CATSPERD: variants seen among roughly 807,000 people sequenced by gnomAD.
CATSPERD encodes catsper channel auxiliary subunit delta.
In CATSPERD, 86 loss-of-function variants were observed where a neutral mutation model predicts 98.1. That is an observed-to-expected ratio of 0.88 (90% CI 0.74 to 1.05). The LOEUF (loss-of-function observed/expected upper bound fraction) is 1.05. Ranked by LOEUF, CATSPERD falls within the 50% of genes least tolerant of loss-of-function variation. CATSPERD has a pLI of 0.00. For synonymous variants in CATSPERD, 394 were observed against 390.2 expected, an observed-to-expected ratio of 1.01 and a Z score of -0.12; for missense variants, 995 against 1,005.7, an observed-to-expected ratio of 0.99 and a Z score of 0.14.
chr19:5,734,044 G>A (rs2055790491), intron 5 of CATSPERD, 74 bp downstream of exon 5: 16 of 853,378 alleles, frequency 1.9e-5, no homozygotes, highest in Admixed American at 2.6e-5. Context: ...AGTGTTGGAA[G>A]TATAAGCGAT....
intron 18 of CATSPERD, among the ~76,000 whole-genome samples, chr19:5,769,133 A>G (rs572060971): frequency 1.3e-4 from 20 of 151,250 alleles, no homozygotes; most frequent in South Asian, 6.3e-4. Flanking sequence ...CAGACTGGGC[A>G]ACAGAGCAAG....
intron 9 of CATSPERD, among the ~76,000 whole-genome samples, chr19:5,746,734 T>C (rs2056102242): frequency 6.6e-6 from 1 of 151,976 alleles, no homozygotes; most frequent in Admixed American, 6.6e-5. Flanking sequence ...CGCCCAGCCA[T>C]TTCTTTAACA....
At chr19:5,741,042 G>A (rs977404130) in intron 7 of CATSPERD, among the ~76,000 whole-genome samples, 2 of 151,756 alleles carry the variant, frequency 1.3e-5, no homozygotes, top group Admixed American at 6.6e-5. Context: ...CTGAGACAAC[G>A]CCATTGCACT....
chr19:5,729,914 C>CAA lies in CATSPERD; in HGVS notation c.246_247insAA (p.Leu83AsnfsTer17), dbSNP rs1481853832. The CAA allele has an allele frequency of 2.5e-6, 4 of 1,598,810 alleles. No homozygotes were observed. In the African/African-American group the frequency reaches 5.4e-5, roughly 21 times the overall value. ...CAATGGATAACTTTGAGACTAGTCT[C>CAA]CTTCCATTTACCATCCCTACATCAA... On this transcript the variant is annotated frameshift_variant, in exon 4 of 22. Coordinates refer to ENST00000381624, the MANE Select transcript of CATSPERD (RefSeq NM_152784.4). LOFTEE classifies it high-confidence loss of function.
chr19:5,740,762 CAAAAAAAAAAA>C (rs59937872), intron 7 of CATSPERD, among the ~76,000 whole-genome samples: 3 of 36,492 alleles, frequency 8.2e-5, no homozygotes, highest in Non-Finnish European at 1.7e-4. Context: ...AACTCCGTCT[CAAAAAAAAAAA>C]AAAAAAAAAA....
intron 12 of CATSPERD, 124 bp from the exon 13 acceptor site, chr19:5,754,008 A>G: frequency 1.4e-6 from 1 of 697,556 alleles, no homozygotes; most frequent in Non-Finnish European, 2.6e-6. Context: ...AGTGGGGAAG[A>G]CAGAGGCACA....
intron 2 of CATSPERD, among the ~76,000 whole-genome samples, chr19:5,725,132 C>T (rs2055579286): frequency 6.6e-6 from 1 of 152,100 alleles, no homozygotes; most frequent in Non-Finnish European, 1.5e-5. Context: ...ATCGAGTGTT[C>T]TGTTTACTTC....
In CATSPERD at chr19:5,727,274, C is replaced by A. The variant is rs945749135; in HGVS notation, c.133C>A (p.Leu45Met). Reference protein sequence around the residue: ...NLIQDVQGDRLYFHPTTTRLI... With the variant: ...NLIQDVQGDRMYFHPTTTRLI... Reference sequence around the variant, plus strand: ...TTTGTGATTATCTCTCTAGGACCGCCTGTATTTTCATCCTACAACAACACG... The same window carrying A: ...TTTGTGATTATCTCTCTAGGACCGCATGTATTTTCATCCTACAACAACACG... The change falls in exon 3 of 22, where the codon CTG becomes ATG. Residue 45 changes from leucine to methionine, a missense_variant. Around this residue, in one of 3 missense-constraint regions of CATSPERD, gnomAD observed 228 missense variants for 209.6 expected, o/e 1.09. Transcript: ENST00000381624. The A allele has an allele frequency of 6.2e-7, 1 of 1,611,804 alleles. No homozygotes were observed. Among genetic ancestry groups the A allele is most frequent in the Non-Finnish European group, 8.5e-7 (1 of 1,178,062 alleles).
At chr19:5,758,994 C>T (rs2056381916) in intron 14 of CATSPERD, 92 bp from the exon 15 acceptor site, 1 of 1,176,222 alleles carries the variant, frequency 8.5e-7, no homozygotes, top group Non-Finnish European at 1.3e-6. Flanking sequence ...CCCCATGTCC[C>T]CTCCAACACC....
chr19:5,738,875 C>CTGTTTT lies in CATSPERD; in HGVS notation c.460-425_460-420dup, dbSNP rs550973878. ...ACAGGCGTGAGCCAACACGCCCGGC[C>CTGTTTT]TGTTTTTGTTTTTGTTTTTGTTTTT... On this transcript the variant is annotated intron_variant, in intron 6 of 21. Transcript: ENST00000381624. 2.0e-3 allele frequency among the ~76,000 whole-genome samples: 295 copies of CTGTTTT among 150,666 alleles called. 2 individuals carry two copies. Among genetic ancestry groups the CTGTTTT allele is most frequent in the African/African-American group, 6.7e-3 (274 of 41,022 alleles).
At chr19:5,770,183 T>A (rs1388979463) in intron 18 of CATSPERD, among the ~76,000 whole-genome samples, 1 of 151,480 alleles carries the variant, frequency 6.6e-6, no homozygotes, top group East Asian at 1.9e-4. Context: ...ATCCCTGCAC[T>A]TTGGGAGGCT....
chr19:5,773,015 G>T (rs780671146), intron 20 of CATSPERD, 50 bp downstream of exon 20: 4 of 1,582,540 alleles, frequency 2.5e-6, no homozygotes, highest in Admixed American at 1.8e-5. Flanking sequence ...CCCACCAGGG[G>T]GTGGGAGAGT....
At chr19:5,729,765 A>G (rs1409431046) in intron 3 of CATSPERD, 107 bp from the exon 4 acceptor site, 3 of 647,890 alleles carry the variant, frequency 4.6e-6, no homozygotes, top group Non-Finnish European at 8.1e-6. Flanking sequence ...ACTCCTGGTT[A>G]CAATACAAAT....
intron 13 of CATSPERD, among the ~76,000 whole-genome samples, chr19:5,757,576 C>T (rs528797545): frequency 2.7e-5 from 4 of 148,702 alleles, no homozygotes; most frequent in East Asian, 2.0e-4. Flanking sequence ...GAAGTACAGG[C>T]GTGAGCCACC....
In CATSPERD at chr19:5,748,257, T is replaced by C. The variant is rs1306641139; in HGVS notation, c.904+2T>C. ...TCACCATCCACAACATTGCTGTCAG[T>C]GCGTAGCCGACCCACTGCTAGCCAA... On this transcript the variant is annotated splice_donor_variant, in intron 10 of 21. Transcript: ENST00000381624. LOFTEE classifies it high-confidence loss of function. The C allele has an allele frequency of 6.2e-7, 1 of 1,613,132 alleles. No homozygotes were observed. Among genetic ancestry groups the C allele is most frequent in the Non-Finnish European group, 8.5e-7 (1 of 1,179,104 alleles).
At chr19:5,747,460 A>T (rs2056115737) in intron 9 of CATSPERD, among the ~76,000 whole-genome samples, 1 of 151,226 alleles carries the variant, frequency 6.6e-6, no homozygotes, top group South Asian at 2.1e-4. Context: ...GAGCCACCAA[A>T]CCCGGCCTGT....
chr19:5,762,651 G>A (rs1368992517), intron 15 of CATSPERD, among the ~76,000 whole-genome samples: 1 of 150,676 alleles, frequency 6.6e-6, no homozygotes, highest in Admixed American at 6.6e-5. Flanking sequence ...ATGGATAAAT[G>A]GATAGATGGA....
At position 5,757,831 on chromosome 19, in the gene CATSPERD, C is replaced by T. The variant is rs758123087; in HGVS notation, c.1279-12C>T. On this transcript the variant is annotated splice_polypyrimidine_tract_variant and intron_variant, in intron 13 of 21. Transcript: ENST00000381624. ...GCTCCGTACAGCCTGAGCTTCTCTCCCCCACTCCCAGGTGATGGTGAGCAA... is the reference window on the plus strand; with the variant it reads ...GCTCCGTACAGCCTGAGCTTCTCTCTCCCACTCCCAGGTGATGGTGAGCAA... 1.2e-6 allele frequency: 2 copies of T among 1,609,928 alleles called. No homozygotes were observed. Among genetic ancestry groups the T allele is most frequent in the Non-Finnish European group, 1.7e-6 (2 of 1,177,516 alleles).
chr19:5,778,316 T>G, intron 21 of CATSPERD, 60 bp from the exon 22 acceptor site: 1 of 1,492,144 alleles, frequency 6.7e-7, no homozygotes, highest in Non-Finnish European at 9.2e-7. Flanking sequence ...TTGCCAGAGA[T>G]AAGGCGAAGT....
Sources: gnomAD v4.1 joint callset for allele counts (sites outside exome capture counted in the v4.1 genomes callset) on GRCh38, gnomAD v4.1.1 for gene constraint, gnomAD v4.1.1 regional missense constraint, MANE v1.5 for transcripts, NCBI Gene and HGNC (gene_info 2026-07-23, HGNC 2026-07-21) for gene names.